KCNK1: variants seen among roughly 807,000 people sequenced by gnomAD.
KCNK1 encodes potassium channel subfamily K member 1.
A neutral mutation model predicts 22.2 loss-of-function variants in KCNK1; 10 were observed. The observed-to-expected ratio is 0.45, with a 90% confidence interval of 0.28 to 0.76. The LOEUF is 0.76. Ranked by LOEUF, KCNK1 falls within the 30% of genes least tolerant of loss-of-function variation. KCNK1 has a pLI of 0.14. For synonymous variants in KCNK1, 200 were observed against 186.4 expected (o/e 1.07, Z -0.60); for missense variants, 378 against 421.0 (o/e 0.90, Z 0.89).
intron 1 of KCNK1, among the ~76,000 whole-genome samples, chr1:233,663,886 C>T (rs563964442): frequency 6.6e-6 from 1 of 152,066 alleles, no homozygotes; most frequent in East Asian, 1.9e-4. Context: ...GGCTGGAGTG[C>T]AATGGCGCGA....
At chr1:233,664,866 T>G (rs1015689957) in intron 1 of KCNK1, among the ~76,000 whole-genome samples, 2 of 152,158 alleles carry the variant, frequency 1.3e-5, no homozygotes, top group African/African-American at 2.4e-5. Context: ...TATAATCACC[T>G]GTGTGGATTT....
At chr1:233,642,076 T>A (rs1247304681) in intron 1 of KCNK1, among the ~76,000 whole-genome samples, 1 of 145,462 alleles carries the variant, frequency 6.9e-6, no homozygotes, top group Admixed American at 6.8e-5. Context: ...TGTCTCCTGT[T>A]TTTAGGCAAA....
At chr1:233,670,427 C>T (rs1358750683) in intron 2 of KCNK1, among the ~76,000 whole-genome samples, 1 of 152,150 alleles carries the variant, frequency 6.6e-6, no homozygotes, top group African/African-American at 2.4e-5. Context: ...TTTCACACTG[C>T]TGATAAAGAC....
At chr1:233,651,154 C>T (rs1658196192) in intron 1 of KCNK1, among the ~76,000 whole-genome samples, 1 of 152,184 alleles carries the variant, frequency 6.6e-6, no homozygotes, top group South Asian at 2.1e-4. Flanking sequence ...CGTTTGCCCC[C>T]ATTACCTCTG....
At chr1:233,630,236 T>A (rs1246964471) in intron 1 of KCNK1, among the ~76,000 whole-genome samples, 4 of 152,236 alleles carry the variant, frequency 2.6e-5, no homozygotes, top group African/African-American at 4.8e-5. Flanking sequence ...GTTTGAGTAG[T>A]TGCTGCAATC....
chr1:233,671,445 C>A lies in KCNK1; in HGVS notation c.926C>A (p.Ala309Asp). 6.2e-7 allele frequency: 1 copy of A among 1,614,144 alleles called. No individual in the cohort carries two copies. Among genetic ancestry groups the A allele is most frequent in the Non-Finnish European group, 8.5e-7 (1 of 1,180,030 alleles). Residue 309 changes from alanine to aspartate, a missense_variant, in exon 3 of 3, where the codon GCT (alanine) becomes GAT (aspartate). Coordinates refer to ENST00000366621, the MANE Select transcript of KCNK1 (RefSeq NM_002245.4). ...TTCTCCTCGATCACAGACCAGGCAG[C>A]TGGCATGAAAGAGGACCAGAAGCAA... ...LSFSSITDQA[A>D]GMKEDQKQNE...
rs1053884966 is a variant in KCNK1 at position 233,671,825 on chromosome 1, G to A, written c.*295G>A. On this transcript the variant is annotated 3_prime_UTR_variant, in exon 3 of 3. Coordinates refer to ENST00000366621, the MANE Select transcript of KCNK1 (RefSeq NM_002245.4). ...AATACTTGAAGCAGTATGCTGCTGT[G>A]GTTAGAAGCAGATTTTATACTTTTA... The A allele has an allele frequency of 6.1e-6, 2 of 325,316 alleles. No homozygotes were observed. Among genetic ancestry groups the A allele is most frequent in the East Asian group, 1.2e-4 (2 of 16,574 alleles). The allele number at this position is 325,316 out of a possible 1,614,324, so 20.2% of individuals were successfully genotyped here. A position where few individuals can be genotyped will look rare whatever the true frequency, so the allele number is the denominator to read the frequency against.
At chr1:233,619,141 C>T (rs1040091107) in intron 1 of KCNK1, among the ~76,000 whole-genome samples, 7 of 152,050 alleles carry the variant, frequency 4.6e-5, no homozygotes, top group African/African-American at 1.2e-4. Context: ...CTTCAGCCTC[C>T]TGAGGAGCTG....
rs1331804310 is a variant in KCNK1, at chr1:233,672,203, A to G, written c.*673A>G. 2 of 152,622 alleles carry G rather than the reference A, an allele frequency of 1.3e-5. No individual in the cohort carries two copies. The highest frequency in any genetic ancestry group is 4.8e-5 in the African/African-American group (2 of 41,462). 9.5% of individuals were successfully genotyped at this position (152,622 alleles called of 1,614,324 possible). A position where few individuals can be genotyped will look rare whatever the true frequency, so the allele number is the denominator to read the frequency against. ...AAGAATCCAGAGTTGCTACAATAAA[A>G]TAAGGGGAATAATAAACTTGAGAGT... On this transcript the variant is annotated 3_prime_UTR_variant, in exon 3 of 3. Transcript: ENST00000366621.
At chr1:233,638,209 TCTTCC>T (rs1657936421) in intron 1 of KCNK1, among the ~76,000 whole-genome samples, 2 of 152,122 alleles carry the variant, frequency 1.3e-5, no homozygotes, top group African/African-American at 4.8e-5. Flanking sequence ...GGGTGCTCCT[TCTTCC>T]CCTGACTCCA....
intron 1 of KCNK1, among the ~76,000 whole-genome samples, chr1:233,654,855 GCT>G (rs1658262673): frequency 6.6e-6 from 1 of 152,212 alleles, no homozygotes; most frequent in Non-Finnish European, 1.5e-5. Flanking sequence ...GGAACCTGTT[GCT>G]CAAGGTGATT....
At chr1:233,664,583 A>G (rs1046404601) in intron 1 of KCNK1, among the ~76,000 whole-genome samples, 1 of 152,218 alleles carries the variant, frequency 6.6e-6, no homozygotes, top group Non-Finnish European at 1.5e-5. Context: ...GAATCTCTCC[A>G]TGGGAAAGTG....
intron 1 of KCNK1, among the ~76,000 whole-genome samples, chr1:233,627,732 T>G (rs1228298073): frequency 1.3e-5 from 2 of 152,044 alleles, no homozygotes; most frequent in Non-Finnish European, 2.9e-5. Context: ...CACCCTCCCC[T>G]CCACTGCAGA....
At chr1:233,629,056 C>T (rs1172451453) in intron 1 of KCNK1, among the ~76,000 whole-genome samples, 1 of 152,064 alleles carries the variant, frequency 6.6e-6, no homozygotes, top group Non-Finnish European at 1.5e-5. Context: ...AATCCTAGGT[C>T]TTTGGAATAT....
intron 1 of KCNK1, among the ~76,000 whole-genome samples, chr1:233,660,931 C>G (rs1163943839): frequency 6.6e-6 from 1 of 152,130 alleles, no homozygotes; most frequent in African/African-American, 2.4e-5. Context: ...ATTATGGGCT[C>G]AACTTGTTAT....
intron 1 of KCNK1, among the ~76,000 whole-genome samples, chr1:233,646,780 G>T (rs1219766256): frequency 1.3e-5 from 2 of 152,164 alleles, no homozygotes; most frequent in Non-Finnish European, 2.9e-5. Flanking sequence ...CAGAACAGGG[G>T]ACTCAGTTTA....
chr1:233,664,655 C>G (rs1248728405), intron 1 of KCNK1, among the ~76,000 whole-genome samples: 3 of 152,204 alleles, frequency 2.0e-5, no homozygotes. Context: ...TGTGTACCTT[C>G]TGGGACAGTG....
At chr1:233,654,295 A>G (rs570573222) in intron 1 of KCNK1, among the ~76,000 whole-genome samples, 3 of 152,332 alleles carry the variant, frequency 2.0e-5, no homozygotes, top group African/African-American at 7.2e-5. Flanking sequence ...AGTAAACCAC[A>G]TGTATACCTG....
At chr1:233,651,150 C>G (rs1244696916) in intron 1 of KCNK1, among the ~76,000 whole-genome samples, 2 of 152,172 alleles carry the variant, frequency 1.3e-5, no homozygotes, top group Non-Finnish European at 2.9e-5. Context: ...CCAGCGTTTG[C>G]CCCCATTACC....
Sources: allele counts gnomAD v4.1 joint callset (sites outside exome capture counted in the v4.1 genomes callset), GRCh38; gene constraint gnomAD v4.1.1; transcripts MANE v1.5; gene names NCBI Gene and HGNC (gene_info 2026-07-23, HGNC 2026-07-21).